The following DMD variants were observed in gnomAD, a reference collection of about 807,000 sequenced individuals.
DMD encodes the protein mutant dystrophin.
In DMD, 63 loss-of-function variants were observed where a neutral mutation model predicts 330.1. The observed-to-expected ratio is 0.19, with a 90% CI of 0.16 to 0.24. The LOEUF (loss-of-function observed/expected upper bound fraction) is 0.24, where lower values mean the gene tolerates loss of function less well. DMD is among the 10% of genes least tolerant of loss of function. The probability of loss-of-function intolerance (pLI) is 1.00; values close to 1 mark genes in which losing one functional copy is unlikely to be tolerated. For missense variants in DMD, 3,344 were observed against 2,684.1 expected, an observed-to-expected ratio of 1.25 and a Z score of -5.43; for synonymous variants, 1,223 against 959.8, an observed-to-expected ratio of 1.27 and a Z score of -5.07.
chrX:32,744,116 T>C (rs1157982532), intron 7 of DMD, among the ~76,000 whole-genome samples: 8 of 110,820 alleles, frequency 7.2e-5, no homozygotes, highest in African/African-American at 2.6e-4. Context: ...CTCAGGGCTT[T>C]TCAGTTACCC....
chrX:31,373,620 T>C (rs6631307), intron 60 of DMD, among the ~76,000 whole-genome samples: 9 of 102,985 alleles, frequency 8.7e-5, no homozygotes, highest in Admixed American at 6.3e-4. Flanking sequence ...TAGCCATATG[T>C]AGAAAGCTGA....
chrX:32,850,338 C>T (rs975416494), intron 2 of DMD, among the ~76,000 whole-genome samples: 7 of 111,781 alleles, frequency 6.3e-5, no homozygotes, highest in Admixed American at 4.8e-4. Flanking sequence ...TTAGGAATAT[C>T]GGGTTTAATT....
chrX:31,379,873 G>A (rs901042011), intron 60 of DMD, among the ~76,000 whole-genome samples: 2 of 111,449 alleles, frequency 1.8e-5, no homozygotes, highest in Admixed American at 9.5e-5. Context: ...ACTGAAAATC[G>A]GACTGTTCAA....
At chrX:31,483,100 G>A (rs4240092) in intron 57 of DMD, among the ~76,000 whole-genome samples, 1,762 of 97,311 alleles carry the variant, frequency 0.018, 65 homozygotes, top group Admixed American at 0.1. Context: ...AGGCTGGAGT[G>A]CAGTGGCGCA....
At chrX:32,411,721 AG>A in intron 30 of DMD, 30 bp downstream of exon 30, 1 of 1,207,159 alleles carries the variant, frequency 8.3e-7, no homozygotes, top group Non-Finnish European at 1.1e-6. Flanking sequence ...TAAAAACAAA[AG>A]AATGGAAGCT....
intron 62 of DMD, among the ~76,000 whole-genome samples, chrX:31,320,126 T>C (rs777046895): frequency 1.6e-4 from 18 of 112,047 alleles, no homozygotes; most frequent in Non-Finnish European, 3.4e-4. Context: ...ATGAAAACTG[T>C]AACAATGATG....
chrX:33,012,701 T>G (rs2093724125), intron 2 of DMD, among the ~76,000 whole-genome samples: 1 of 111,483 alleles, frequency 9.0e-6, no homozygotes, highest in African/African-American at 3.3e-5. Flanking sequence ...CTAGCTTTAT[T>G]ATAAAATAGG....
intron 16 of DMD, among the ~76,000 whole-genome samples, chrX:32,552,494 A>T (rs2049685798): frequency 8.9e-6 from 1 of 111,915 alleles, no homozygotes; most frequent in Admixed American, 9.5e-5. Context: ...AGGTAATGCC[A>T]CTCTGGACAT....
chrX:31,567,643 T>C (rs889057684), intron 55 of DMD, among the ~76,000 whole-genome samples: 1 of 111,743 alleles, frequency 8.9e-6, no homozygotes, highest in Non-Finnish European at 1.9e-5. Context: ...TCTAGGCTCA[T>C]TTATTTATTT....
At chrX:31,990,706 C>T (rs145446270) in intron 44 of DMD, among the ~76,000 whole-genome samples, 6 of 111,787 alleles carry the variant, frequency 5.4e-5, no homozygotes, top group Non-Finnish European at 9.4e-5. Flanking sequence ...ATTAAATATA[C>T]GAAAACATTA....
intron 55 of DMD, among the ~76,000 whole-genome samples, chrX:31,530,233 GC>G (rs761082998): frequency 3.6e-5 from 4 of 112,025 alleles, no homozygotes; most frequent in Non-Finnish European, 7.5e-5. Flanking sequence ...CAACAACACA[GC>G]AAAATCCTGG....
intron 1 of DMD, among the ~76,000 whole-genome samples, chrX:33,266,053 G>A (rs774320422): frequency 2.7e-5 from 3 of 111,496 alleles, no homozygotes; most frequent in South Asian, 3.7e-4. Flanking sequence ...TACATAAGTC[G>A]CTATGCTAGT....
intron 43 of DMD, among the ~76,000 whole-genome samples, chrX:32,230,937 C>CA (rs781156526): frequency 3.6e-5 from 4 of 111,973 alleles, no homozygotes; most frequent in African/African-American, 1.3e-4. Context: ...TACATGTACA[C>CA]ATATATGAAT....
At chrX:32,524,871 G>GA (rs1226658264) in intron 17 of DMD, among the ~76,000 whole-genome samples, 1 of 112,249 alleles carries the variant, frequency 8.9e-6, no homozygotes, top group African/African-American at 3.2e-5. Context: ...CTCGTTTTTT[G>GA]ATGTACAGAT....
In DMD at chrX:32,389,537, T is replaced by C. The variant is rs1316441300; in HGVS notation, c.4482A>G (p.Glu1494=). ...HLPALETKSV[E]QEVVQSQLNH... is the part of the protein sequence containing the mutation. ...TTAGCTGTGACTGTACTACTTCCTG[T>C]TCCACACTCTTTGTTTCCAATGCAG... Residue 1494 remains glutamate (E), a synonymous_variant, in exon 32 of 79, where the codon GAA becomes GAG. Coordinates refer to ENST00000357033, the MANE Select transcript of DMD (RefSeq NM_004006.3). 8.3e-6 allele frequency: 10 copies of C among 1,209,649 alleles called. No individual in the cohort carries two copies. Among genetic ancestry groups the C allele is most frequent in the East Asian group, 3.0e-5 (1 of 33,724 alleles).
intron 48 of DMD, among the ~76,000 whole-genome samples, chrX:31,854,381 T>C (rs1337066079): frequency 2.7e-5 from 3 of 111,828 alleles, no homozygotes; most frequent in African/African-American, 9.8e-5. Context: ...CTTTTCATAG[T>C]AGGTCAGGAT....
At chrX:31,573,778 G>A (rs959498951) in intron 55 of DMD, among the ~76,000 whole-genome samples, 6 of 111,196 alleles carry the variant, frequency 5.4e-5, no homozygotes, top group African/African-American at 2.0e-4. Flanking sequence ...ATAAGAGATA[G>A]AAGGCCCTTT....
chrX:31,551,876 A>T (rs1228578804), intron 55 of DMD, among the ~76,000 whole-genome samples: 2 of 112,271 alleles, frequency 1.8e-5, no homozygotes, highest in Admixed American at 9.4e-5. Flanking sequence ...TACATTCAGA[A>T]CAGAGAAGAA....
intron 12 of DMD, among the ~76,000 whole-genome samples, chrX:32,607,512 C>A (rs368848988): frequency 8.2e-5 from 9 of 109,367 alleles, no homozygotes; most frequent in Non-Finnish European, 1.7e-4. Flanking sequence ...GAGAGTACTA[C>A]CAGATGTACC....
Sources: allele counts gnomAD v4.1 joint callset (sites outside exome capture counted in the v4.1 genomes callset), GRCh38; gene constraint gnomAD v4.1.1; transcripts MANE v1.5; gene names NCBI Gene and HGNC (gene_info 2026-07-23, HGNC 2026-07-21).